The following MBTPS1 variants were observed in gnomAD, a reference collection of about 807,000 sequenced individuals.
The protein encoded by MBTPS1 is membrane-bound transcription factor site-1 protease.
A neutral mutation model predicts 127.8 loss-of-function variants in MBTPS1; 94 were observed. The ratio of observed to expected loss-of-function variants is 0.74; its 90% CI spans 0.62 to 0.87. MBTPS1 has a LOEUF of 0.87. Ranked by LOEUF, MBTPS1 falls within the 40% of genes least tolerant of loss-of-function variation. The pLI is 0.00. For missense variants in MBTPS1, 1,636 were observed against 1,353.2 expected, an observed-to-expected ratio of 1.21 and a Z score of -3.28; for synonymous variants, 632 against 509.4, an observed-to-expected ratio of 1.24 and a Z score of -3.24.
intron 1 of MBTPS1, among the ~76,000 whole-genome samples, chr16:84,105,567 G>A (rs1013459801): frequency 6.6e-6 from 1 of 152,116 alleles, no homozygotes. Context: ...AGCATCCCAA[G>A]CGTGGCAACA....
chr16:84,099,703 G>A (rs2086227833), intron 2 of MBTPS1, among the ~76,000 whole-genome samples: 1 of 151,772 alleles, frequency 6.6e-6, no homozygotes, highest in Admixed American at 6.6e-5. Flanking sequence ...CTTGAACCTG[G>A]GAGGCGGAGA....
intron 1 of MBTPS1, among the ~76,000 whole-genome samples, chr16:84,114,954 A>G (rs544624625): frequency 6.6e-6 from 1 of 151,842 alleles, no homozygotes; most frequent in South Asian, 2.1e-4. Flanking sequence ...TTTGAGACAT[A>G]GTCTCACTCT....
rs771239767 is a variant in MBTPS1 at position 84,095,856 on chromosome 16, C to G, written c.422-51G>C. 15 of 1,476,704 alleles carry G rather than the reference C, an allele frequency of 1.0e-5. No individual in the cohort carries two copies. In the East Asian group the frequency reaches 3.4e-4, roughly 34 times the overall value. 91.5% of individuals were successfully genotyped at this position (1,476,704 alleles called of 1,614,324 possible). ...GAACAGAAGAGCAAAACGAACTACACGATACCCGCCAGGCAAAACTATCCT... is the reference window on the plus strand; with the variant it reads ...GAACAGAAGAGCAAAACGAACTACAGGATACCCGCCAGGCAAAACTATCCT... On this transcript the variant is annotated intron_variant, in intron 3 of 22. Transcript: ENST00000343411.
In MBTPS1 at chr16:84,101,641, G is replaced by A. The variant is rs1456668818; in HGVS notation, c.143C>T (p.Ser48Leu). Residue 48 changes from serine (S) to leucine (L), a missense_variant, in exon 2 of 23, where the codon TCA (serine) becomes TTA (leucine). Coordinates refer to ENST00000343411, the MANE Select transcript of MBTPS1 (RefSeq NM_003791.4). ...CSHLTLKVEF[S>L]STVVEYEYIV... ...ATTACCATATTCCACAACTGTTGAT[G>A]AGAATTCCACCTTCAAAGTCAGGTG... 2 of 1,613,742 alleles carry A rather than the reference G, an allele frequency of 1.2e-6. No homozygotes were observed. The highest frequency in any genetic ancestry group is 1.7e-6 in the Non-Finnish European group (2 of 1,179,804).
intron 16 of MBTPS1, 134 bp downstream of exon 16, chr16:84,067,533 C>G: frequency 1.4e-6 from 1 of 714,656 alleles, no homozygotes; most frequent in Non-Finnish European, 2.3e-6. Flanking sequence ...GGCTTTTTTT[C>G]TAATCAAGCT....
chr16:84,087,615 G>T (rs1018116278), intron 8 of MBTPS1, among the ~76,000 whole-genome samples, 155 bp from the exon 9 acceptor site: 1 of 152,092 alleles, frequency 6.6e-6, no homozygotes, highest in Non-Finnish European at 1.5e-5. Flanking sequence ...GCTCCTCACG[G>T]CTGTCCTGTG....
chr16:84,112,044 T>C (rs1021243954), intron 1 of MBTPS1, among the ~76,000 whole-genome samples: 2 of 151,726 alleles, frequency 1.3e-5, no homozygotes, highest in African/African-American at 4.8e-5. Context: ...CTACTAAAAA[T>C]ACAAAAAATT....
intron 19 of MBTPS1, among the ~76,000 whole-genome samples, chr16:84,061,891 G>A (rs960647138): frequency 1.3e-5 from 2 of 152,078 alleles, no homozygotes; most frequent in Non-Finnish European, 2.9e-5. Context: ...TGAGAAAAAT[G>A]CCATTAAGTA....
rs763147734 is a variant in MBTPS1 at position 84,056,083 on chromosome 16, A to C, written c.2884T>G (p.Leu962Val). Residue 962 changes from leucine (L) to valine (V), a missense_variant, in exon 22 of 23, where the codon TTA (leucine) becomes GTA (valine). By Grantham distance (32) the Leu-to-Val change is conservative. Coordinates refer to ENST00000343411, the MANE Select transcript of MBTPS1 (RefSeq NM_003791.4). ...GGGCGATTCGATCGAAAGTTGGGTA[A>C]CACCACCTTGTCCAGGTCAATGGAG... is the stretch of plus-strand genomic sequence containing the variant. Reference protein sequence around the residue: ...LLSIDLDKVVLPNFRSNRPQV... With the variant: ...LLSIDLDKVVVPNFRSNRPQV... 1.1e-5 allele frequency: 17 copies of C among 1,614,068 alleles called. 2 individuals are homozygous for C. The South Asian group carries it at 1.5e-4, about 15-fold the overall frequency.
At chr16:84,091,995 A>C in intron 6 of MBTPS1, 147 bp from the exon 7 acceptor site, 2 of 599,820 alleles carry the variant, frequency 3.3e-6, no homozygotes, top group South Asian at 3.9e-5. Context: ...CTGAGCATGC[A>C]TAATGCTCTG....
intron 12 of MBTPS1, among the ~76,000 whole-genome samples, chr16:84,074,287 T>C (rs533715726): frequency 6.6e-6 from 1 of 150,782 alleles, no homozygotes; most frequent in Non-Finnish European, 1.5e-5. Flanking sequence ...CAGGCTGGAG[T>C]GCAATGGCAT....
chr16:84,107,868 ATT>A (rs66777766), intron 1 of MBTPS1, among the ~76,000 whole-genome samples: 12 of 133,436 alleles, frequency 9.0e-5, no homozygotes, highest in South Asian at 7.4e-4. Context: ...TGTCCAGCTA[ATT>A]TTTTTTTTTT....
intron 3 of MBTPS1, among the ~76,000 whole-genome samples, chr16:84,097,872 T>TGTGTGTGTGTG (rs1486515850): frequency 1.7e-4 from 16 of 92,270 alleles, no homozygotes; most frequent in Non-Finnish European, 3.1e-4. Flanking sequence ...GTGTGTGTGT[T>TGTGTGTGTGTG]TGTGTGTGTG....
At chr16:84,113,725 C>T (rs2086430249) in intron 1 of MBTPS1, among the ~76,000 whole-genome samples, 1 of 152,222 alleles carries the variant, frequency 6.6e-6, no homozygotes, top group Admixed American at 6.5e-5. Context: ...CGACAATCAT[C>T]TAATTATGCA....
rs980896244 is a variant in MBTPS1 at position 84,082,369 on chromosome 16, C to T, written c.1287-461G>A. Among the ~76,000 whole-genome samples the T allele has an allele frequency of 2.0e-5, 3 of 152,272 alleles. No individual in the cohort carries two copies. In the East Asian group the frequency reaches 5.8e-4, roughly 29 times the overall value. ...CACAGGTCTGAGTGAGGACCGCCGCCTCCAAAGCCAATCCTTGCCTTTTTG... is the reference window on the plus strand; with the variant it reads ...CACAGGTCTGAGTGAGGACCGCCGCTTCCAAAGCCAATCCTTGCCTTTTTG... On this transcript the variant is annotated intron_variant, in intron 10 of 22. Transcript: ENST00000343411.
intron 3 of MBTPS1, among the ~76,000 whole-genome samples, chr16:84,096,961 T>C (rs189361923): frequency 6.6e-6 from 1 of 152,210 alleles, no homozygotes; most frequent in African/African-American, 2.4e-5. Context: ...TTTAGAAAAA[T>C]TAGTACATTC....
chr16:84,091,844 G>C lies in MBTPS1; in HGVS notation c.851C>G (p.Ser284Cys). The part of the protein sequence containing the change: ...IFRVFTNNQV[S>C]YTSWFLDAFN... ...GGCGTCCAAAAACCAAGATGTGTAA[G>C]ATACCTAGTTAAATATTATAACAGT... The change falls in exon 7 of 23, where the codon TCT (serine) becomes TGT (cysteine). Residue 284 changes from serine to cysteine, a missense_variant. Ser to Cys is a moderately radical substitution (Grantham distance 112). Transcript: ENST00000343411. 6.4e-7 allele frequency: 1 copy of C among 1,562,660 alleles called. No homozygotes were observed. The highest frequency in any genetic ancestry group is 8.8e-7 in the Non-Finnish European group (1 of 1,132,990).
intron 14 of MBTPS1, among the ~76,000 whole-genome samples, chr16:84,069,239 C>T (rs2085733769): frequency 6.6e-6 from 1 of 152,182 alleles, no homozygotes; most frequent in Non-Finnish European, 1.5e-5. Flanking sequence ...TTGGCTAATG[C>T]ACCAAGAGAA....
chr16:84,093,895 T>C, intron 4 of MBTPS1, 74 bp from the exon 5 acceptor site: 3 of 1,060,782 alleles, frequency 2.8e-6, no homozygotes, highest in Non-Finnish European at 4.3e-6. Context: ...ATAAAATACA[T>C]TCCTTCCTGG....
Sources: allele counts gnomAD v4.1 joint callset (sites outside exome capture counted in the v4.1 genomes callset), GRCh38; gene constraint gnomAD v4.1.1; transcripts MANE v1.5; gene names NCBI Gene and HGNC (gene_info 2026-07-23, HGNC 2026-07-21).